KCTD20: variants seen among roughly 807,000 people sequenced by gnomAD.
KCTD20 encodes potassium channel tetramerization domain containing 20, also known as BTB/POZ domain-containing protein KCTD20.
A neutral mutation model predicts 39.6 loss-of-function variants in KCTD20; 30 were observed. The ratio of observed to expected loss-of-function variants is 0.76; its 90% CI spans 0.57 to 1.03. KCTD20 has a LOEUF of 1.03. Ranked by LOEUF, KCTD20 falls within the 50% of genes least tolerant of loss-of-function variation. The pLI, the probability that KCTD20 is intolerant of heterozygous loss-of-function variation, is 0.00. For synonymous variants in KCTD20, 162 were observed against 180.6 expected (o/e 0.90, Z 0.83); for missense variants, 422 against 522.0 (o/e 0.81, Z 1.87).
At chr6:36,475,153 AGTATT>A in intron 3 of KCTD20, 91 bp downstream of exon 3, 3 of 1,397,656 alleles carry the variant, frequency 2.1e-6, no homozygotes, top group Non-Finnish European at 2.9e-6. Context: ...AACAGTAAAA[AGTATT>A]GTATAGGTTG....
At chr6:36,479,746 C>T in intron 5 of KCTD20, 35 bp downstream of exon 5, 3 of 1,406,856 alleles carry the variant, frequency 2.1e-6, no homozygotes, top group Non-Finnish European at 2.9e-6. Flanking sequence ...TGCACTTAAG[C>T]AGCTGAACTT....
Position 36,488,076 on chromosome 6 carries a change from A to G in KCTD20, c.*901A>G, listed in dbSNP as rs1776480185. On this transcript the variant is annotated 3_prime_UTR_variant, in exon 8 of 8. Coordinates refer to ENST00000373731, the MANE Select transcript of KCTD20 (RefSeq NM_173562.5). ...AAGATGAGGACAGAAATTGCTTACA[A>G]TTGCTCAGTTTCTCAACAGAAAGAC... The G allele has an allele frequency of 3.9e-5, 6 of 152,196 alleles. No homozygotes were observed. In the South Asian group the frequency reaches 1.2e-3, roughly 31 times the overall value. 9.4% of individuals were successfully genotyped at this position (152,196 alleles called of 1,614,324 possible).
intron 2 of KCTD20, 133 bp from the exon 3 acceptor site, chr6:36,474,655 GT>G (rs986794721): frequency 3.9e-4 from 282 of 715,188 alleles, no homozygotes; most frequent in South Asian, 6.0e-4. Flanking sequence ...TAGGCAAGAG[GT>G]TTTTTTTTGC....
chr6:36,474,986 A>G lies in KCTD20; in HGVS notation c.358A>G (p.Thr120Ala). 6.2e-7 allele frequency: 1 copy of G among 1,614,114 alleles called. No individual in the cohort carries two copies. Residue 120 changes from threonine (T) to alanine (A), a missense_variant, in exon 3 of 8, where the codon ACG (threonine) becomes GCG (alanine). Coordinates refer to ENST00000373731, the MANE Select transcript of KCTD20 (RefSeq NM_173562.5). ...CCATTCCCAAGCACCAGAGAAAGTGACGCTTCTTGTAGATGGCACACGTTT... is the reference window on the plus strand; with the variant it reads ...CCATTCCCAAGCACCAGAGAAAGTGGCGCTTCTTGTAGATGGCACACGTTT... Reference protein sequence around the residue: ...NSHSQAPEKVTLLVDGTRFVV... With the variant: ...NSHSQAPEKVALLVDGTRFVV...
intron 3 of KCTD20, among the ~76,000 whole-genome samples, chr6:36,477,303 G>A (rs1776090985): frequency 6.6e-6 from 1 of 152,090 alleles, no homozygotes; most frequent in African/African-American, 2.4e-5. Flanking sequence ...GATAATAAAT[G>A]GGGGGATTAT....
At chr6:36,446,732 GT>G (rs1264813221) in intron 1 of KCTD20, among the ~76,000 whole-genome samples, 1 of 152,240 alleles carries the variant, frequency 6.6e-6, no homozygotes, top group Non-Finnish European at 1.5e-5. Flanking sequence ...AATAGTACAT[GT>G]ATTTCTGGAA....
At chr6:36,462,950 C>T (rs1775643388) in intron 1 of KCTD20, among the ~76,000 whole-genome samples, 1 of 152,190 alleles carries the variant, frequency 6.6e-6, no homozygotes, top group African/African-American at 2.4e-5. Context: ...ATCTAAGTGC[C>T]TCTGTAAACT....
At chr6:36,474,096 T>A (rs992014931) in intron 2 of KCTD20, among the ~76,000 whole-genome samples, 1 of 152,176 alleles carries the variant, frequency 6.6e-6, no homozygotes, top group Non-Finnish European at 1.5e-5. Flanking sequence ...TGTTTTATTA[T>A]AAGTTTTAGG....
At position 36,474,350 on chromosome 6, in the gene KCTD20, C is replaced by T. The variant is rs774796186; in HGVS notation, c.161-439C>T. Among the ~76,000 whole-genome samples, 4 of 151,504 alleles carry T rather than the reference C, an allele frequency of 2.6e-5. No homozygotes were observed. The East Asian group carries it at 7.7e-4, about 29-fold the overall frequency. On this transcript the variant is annotated intron_variant, in intron 2 of 7. Coordinates refer to ENST00000373731, the MANE Select transcript of KCTD20 (RefSeq NM_173562.5). ...AGTAGCAGGTTCCTTAAATAAAACA[C>T]GGGAAATATAAAAGTATTATTTAGC... is the stretch of plus-strand genomic sequence containing the variant.
intron 1 of KCTD20, among the ~76,000 whole-genome samples, chr6:36,459,162 A>G (rs907597745): frequency 6.6e-5 from 10 of 152,078 alleles, no homozygotes; most frequent in African/African-American, 2.4e-4. Flanking sequence ...AAATACAAAA[A>G]TTAGCCAGGG....
At chr6:36,452,898 TA>T (rs1561943404) in intron 1 of KCTD20, among the ~76,000 whole-genome samples, 2 of 151,914 alleles carry the variant, frequency 1.3e-5, no homozygotes, top group Non-Finnish European at 2.9e-5. Context: ...TTCACTCATA[TA>T]AAGTATAGAG....
At chr6:36,449,650 G>A (rs1314750393) in intron 1 of KCTD20, among the ~76,000 whole-genome samples, 1 of 152,196 alleles carries the variant, frequency 6.6e-6, no homozygotes, top group Admixed American at 6.5e-5. Context: ...AGGAAGTCCA[G>A]CTGGCTTCAC....
rs531751802 is a variant in KCTD20 at position 36,490,801 on chromosome 6, C to T, written c.*3626C>T. ...AGTGAGCCATGATGACGCTACTGCA[C>T]TCCAGCCTGGATGACAGGGCAAGAC... On this transcript the variant is annotated 3_prime_UTR_variant, in exon 8 of 8. Transcript: ENST00000373731. 6.6e-6 allele frequency: 1 copy of T among 152,306 alleles called. No individual in the cohort carries two copies. Among genetic ancestry groups the T allele is most frequent in the South Asian group, 2.1e-4 (1 of 4,820 alleles). The allele number at this position is 152,306 out of a possible 1,614,324, so 9.4% of individuals were successfully genotyped here. A position where few individuals can be genotyped will look rare whatever the true frequency, so the allele number is the denominator to read the frequency against.
intron 2 of KCTD20, among the ~76,000 whole-genome samples, chr6:36,473,112 G>A (rs1005028389): frequency 1.3e-5 from 2 of 151,710 alleles, no homozygotes; most frequent in Admixed American, 6.6e-5. Context: ...CCAGGCTGGA[G>A]TGCAGTGGCG....
Position 36,484,706 on chromosome 6 carries a change from T to C in KCTD20, c.857-8T>C. 7.0e-7 allele frequency: 1 copy of C among 1,433,296 alleles called. No homozygotes were observed. The highest frequency in any genetic ancestry group is 9.7e-7 in the Non-Finnish European group (1 of 1,033,466). The allele number at this position is 1,433,296 out of a possible 1,614,324, so 88.8% of individuals were successfully genotyped here. A position where few individuals can be genotyped will look rare whatever the true frequency, so the allele number is the denominator to read the frequency against. Reference sequence around the variant, plus strand: ...TCCATGGCTAACCCTATATTTTTTCTTTTTCAGTTCTTTATAGCTCCAAGC... The same window carrying C: ...TCCATGGCTAACCCTATATTTTTTCCTTTTCAGTTCTTTATAGCTCCAAGC... On this transcript the variant is annotated splice_region_variant and splice_polypyrimidine_tract_variant and intron_variant, in intron 6 of 7. Transcript: ENST00000373731.
At chr6:36,475,626 G>GA (rs1404971894) in intron 3 of KCTD20, among the ~76,000 whole-genome samples, 1 of 151,928 alleles carries the variant, frequency 6.6e-6, no homozygotes, top group Non-Finnish European at 1.5e-5. Context: ...TGGAAACTAT[G>GA]AAAAAATAAC....
intron 1 of KCTD20, among the ~76,000 whole-genome samples, chr6:36,458,951 C>CT (rs984975779): frequency 3.3e-5 from 5 of 151,554 alleles, no homozygotes; most frequent in Admixed American, 2.6e-4. Flanking sequence ...TCTGTTTTTT[C>CT]TTTTTTTTAT....
At chr6:36,449,652 T>C (rs553074845) in intron 1 of KCTD20, among the ~76,000 whole-genome samples, 44 of 152,348 alleles carry the variant, frequency 2.9e-4, no homozygotes, top group African/African-American at 9.1e-4. Context: ...GAAGTCCAGC[T>C]GGCTTCACCT....
intron 1 of KCTD20, among the ~76,000 whole-genome samples, chr6:36,444,740 T>C (rs1774986471): frequency 6.6e-6 from 1 of 152,206 alleles, no homozygotes; most frequent in Admixed American, 6.5e-5. Context: ...ATCAACAGCA[T>C]TGCAATATAG....
Sources: gnomAD v4.1 joint callset for allele counts (sites outside exome capture counted in the v4.1 genomes callset) on GRCh38, gnomAD v4.1.1 for gene constraint, MANE v1.5 for transcripts, NCBI Gene and HGNC (gene_info 2026-07-23, HGNC 2026-07-21) for gene names.